The following ITGA8 variants were observed in gnomAD, a reference collection of about 807,000 sequenced individuals.
ITGA8 encodes the protein integrin alpha-8.
In ITGA8, 91 loss-of-function variants were observed where a neutral mutation model predicts 142.3. The observed-to-expected ratio is 0.64, with a 90% CI of 0.54 to 0.76. The LOEUF is 0.76. Among genes scored for constraint, ITGA8 ranks in the 30% least tolerant of loss-of-function variants. The pLI is 0.00. For synonymous variants in ITGA8, 505 were observed against 485.2 expected (o/e 1.04, Z -0.54); for missense variants, 1,406 against 1,327.7 (o/e 1.06, Z -0.92).
In ITGA8 at chr10:15,517,172, T is replaced by A; in HGVS notation, c.3178A>T (p.Thr1060Ser). Residue 1060 changes from threonine (T) to serine (S), a missense_variant, in exon 30 of 30, where the codon ACC becomes TCC. Coordinates refer to ENST00000378076, the MANE Select transcript of ITGA8 (RefSeq NM_003638.3). ...TTTTTTTCTTGTCATGCCTCAGGGG[T>A]CTTGTCATTTGTCAGCTGTTCCCTG... Reference protein sequence around the residue: ...TDREQLTNDKTPEA With the variant: ...TDREQLTNDKSPEA 1 of 1,612,614 alleles carries A rather than the reference T, an allele frequency of 6.2e-7. No individual in the cohort carries two copies. Among genetic ancestry groups the A allele is most frequent in the Non-Finnish European group, 8.5e-7 (1 of 1,179,110 alleles).
intron 27 of ITGA8, among the ~76,000 whole-genome samples, chr10:15,543,315 C>A (rs1419231234): frequency 1.3e-5 from 2 of 152,176 alleles, no homozygotes; most frequent in Admixed American, 6.5e-5. Flanking sequence ...TAATGTATGT[C>A]TGTAGTTTTT....
At chr10:15,596,882 C>G (rs1163631454) in intron 21 of ITGA8, 1 of 234,710 alleles carries the variant, frequency 4.3e-6, no homozygotes, top group African/African-American at 2.2e-5. Context: ...CATTGCATTT[C>G]TTTTTGAATT....
chr10:15,715,708 T>C (rs1835437742), intron 2 of ITGA8, among the ~76,000 whole-genome samples: 1 of 152,266 alleles, frequency 6.6e-6, no homozygotes, highest in African/African-American at 2.4e-5. Flanking sequence ...CAGTGATGTC[T>C]GTTTCCACCT....
intron 13 of ITGA8, among the ~76,000 whole-genome samples, chr10:15,640,247 T>C (rs191098915): frequency 6.6e-6 from 1 of 152,278 alleles, no homozygotes; most frequent in Admixed American, 6.5e-5. Context: ...CCGACCTGGG[T>C]GTCAGGTCTT....
chr10:15,527,397 C>T (rs1291745428), intron 28 of ITGA8, among the ~76,000 whole-genome samples: 3 of 152,136 alleles, frequency 2.0e-5, no homozygotes, highest in African/African-American at 7.2e-5. Context: ...AAGACACTCC[C>T]ACTTTCTGCT....
rs533426152 is a variant in ITGA8, at chr10:15,616,490, A to G, written c.1445+24T>C. On this transcript the variant is annotated intron_variant, in intron 14 of 29. Coordinates refer to ENST00000378076, the MANE Select transcript of ITGA8 (RefSeq NM_003638.3). ...ATGTATTTGAAACAATGAGAAAAAC[A>G]TTTGAATACTACCAACCACATACCT... 9.5e-4 allele frequency: 1,489 copies of G among 1,565,508 alleles called. 27 individuals carry two copies. The South Asian group carries it at 0.015, about 16-fold the overall frequency.
chr10:15,637,506 T>A (rs1258923383), intron 13 of ITGA8, among the ~76,000 whole-genome samples: 1 of 74,574 alleles, frequency 1.3e-5, no homozygotes, highest in Non-Finnish European at 3.8e-5. Context: ...CTCTTTAAAT[T>A]TTTTTTTTTT....
Position 15,679,530 on chromosome 10 carries a change from C to T in ITGA8, c.569-747G>A, listed in dbSNP as rs367664112. On this transcript the variant is annotated intron_variant, in intron 4 of 29. Coordinates refer to ENST00000378076, the MANE Select transcript of ITGA8 (RefSeq NM_003638.3). ...CCAGGAGGCGGAGGTTGCAGTGAGCCGAGATCATGCCACTGCACTCCAGCC... is the reference window on the plus strand; with the variant it reads ...CCAGGAGGCGGAGGTTGCAGTGAGCTGAGATCATGCCACTGCACTCCAGCC... Among the ~76,000 whole-genome samples the T allele has an allele frequency of 5.9e-5, 9 of 151,968 alleles. No homozygotes were observed. In the East Asian group the frequency reaches 1.2e-3, roughly 20 times the overall value.
At chr10:15,590,907 A>C (rs962855740) in intron 22 of ITGA8, among the ~76,000 whole-genome samples, 1 of 152,198 alleles carries the variant, frequency 6.6e-6, no homozygotes, top group African/African-American at 2.4e-5. Flanking sequence ...GAACAGCTCA[A>C]GTAAGTTGAG....
chr10:15,565,255 A>T (rs1025743049), intron 25 of ITGA8, among the ~76,000 whole-genome samples: 3 of 152,252 alleles, frequency 2.0e-5, no homozygotes, highest in Admixed American at 2.0e-4. Context: ...TCCAGGGGCA[A>T]GCCATAGATG....
intron 27 of ITGA8, among the ~76,000 whole-genome samples, chr10:15,546,448 C>T (rs1833670154): frequency 6.6e-6 from 1 of 152,170 alleles, no homozygotes; most frequent in Non-Finnish European, 1.5e-5. Flanking sequence ...TGTACTTCTC[C>T]TTAGGTCAGT....
chr10:15,719,453 C>A (rs1024607293), intron 1 of ITGA8, 110 bp downstream of exon 1: 75 of 961,560 alleles, frequency 7.8e-5, no homozygotes, highest in Non-Finnish European at 1.1e-4. Context: ...CCCGGGCAGG[C>A]GGCAGGACGG....
intron 8 of ITGA8, among the ~76,000 whole-genome samples, chr10:15,661,964 G>A (rs1275559322): frequency 6.6e-6 from 1 of 152,148 alleles, no homozygotes. Flanking sequence ...TAATAGGGTT[G>A]ACTGATTTCA....
Position 15,647,066 on chromosome 10 carries a change from G to C in ITGA8, c.1002-15C>G, listed in dbSNP as rs768150667. The C allele has an allele frequency of 5.0e-6, 8 of 1,603,530 alleles. No individual in the cohort carries two copies. In the East Asian group the frequency reaches 1.3e-4, roughly 27 times the overall value. On this transcript the variant is annotated splice_polypyrimidine_tract_variant and intron_variant, in intron 11 of 29. Coordinates refer to ENST00000378076, the MANE Select transcript of ITGA8 (RefSeq NM_003638.3). ...CATCATCCAGTCTGTAAGGAACAAA[G>C]AAAGCAGCTCAGCACGCTAGCAGAG...
At chr10:15,608,052 G>A (rs185291720) in intron 16 of ITGA8, among the ~76,000 whole-genome samples, 183 bp downstream of exon 16, 123 of 152,110 alleles carry the variant, frequency 8.1e-4, no homozygotes, top group African/African-American at 2.9e-3. Context: ...ACAATTATAT[G>A]TTCTTATAAA....
At chr10:15,615,659 G>A (rs775347684) in intron 14 of ITGA8, among the ~76,000 whole-genome samples, 21 of 152,070 alleles carry the variant, frequency 1.4e-4, no homozygotes, top group African/African-American at 4.3e-4. Flanking sequence ...GATTACAGGC[G>A]TGTACCACCA....
chr10:15,694,493 A>G (rs916339912), intron 2 of ITGA8, among the ~76,000 whole-genome samples: 19 of 137,462 alleles, frequency 1.4e-4, no homozygotes, highest in African/African-American at 5.0e-4. Context: ...TATCTATAAT[A>G]TATAAAAATG....
chr10:15,602,892 T>TC (rs1833128640), intron 20 of ITGA8, among the ~76,000 whole-genome samples: 1 of 151,366 alleles, frequency 6.6e-6, no homozygotes, highest in African/African-American at 2.5e-5. Context: ...GAATTATTTT[T>TC]CCCCTCTATC....
intron 8 of ITGA8, among the ~76,000 whole-genome samples, chr10:15,670,648 A>G (rs553047284): frequency 3.0e-4 from 46 of 152,350 alleles, no homozygotes; most frequent in Non-Finnish European, 6.0e-4. Flanking sequence ...TCTCATCTCA[A>G]TCAAATCTAC....
Sources: gnomAD v4.1 joint callset for allele counts (sites outside exome capture counted in the v4.1 genomes callset) on GRCh38, gnomAD v4.1.1 for gene constraint, MANE v1.5 for transcripts, NCBI Gene and HGNC (gene_info 2026-07-23, HGNC 2026-07-21) for gene names.